DGKI: variants seen among roughly 807,000 people sequenced by gnomAD.
DGKI encodes the protein diacylglycerol kinase iota.
A neutral mutation model predicts 147.5 loss-of-function variants in DGKI; 55 were observed. The ratio of observed to expected loss-of-function variants is 0.37; its 90% CI spans 0.30 to 0.47. DGKI has a LOEUF of 0.47. Ranked by LOEUF, DGKI falls within the 20% of genes least tolerant of loss-of-function variation. DGKI has a pLI of 1.00. For missense variants in DGKI, 1,007 were observed against 1,323.8 expected (o/e 0.76, Z 3.71); for synonymous variants, 469 against 477.1 (o/e 0.98, Z 0.22).
chr7:137,821,914 C>G (rs1281700155), intron 1 of DGKI, among the ~76,000 whole-genome samples: 1 of 152,116 alleles, frequency 6.6e-6, no homozygotes, highest in Non-Finnish European at 1.5e-5. Context: ...AGAATCCTTT[C>G]TAGAGAGTAA....
intron 3 of DGKI, among the ~76,000 whole-genome samples, chr7:137,660,175 G>C (rs1412765724): frequency 6.6e-6 from 1 of 152,124 alleles, no homozygotes; most frequent in East Asian, 1.9e-4. Context: ...TGATTTTGCT[G>C]GTGTTGGTAT....
At chr7:137,442,920 C>T (rs113513176) in intron 28 of DGKI, among the ~76,000 whole-genome samples, 17 of 152,240 alleles carry the variant, frequency 1.1e-4, no homozygotes, top group African/African-American at 3.6e-4. Context: ...TTAGGCACAA[C>T]GATAAGCAGA....
rs1223523734 is a variant in DGKI at position 137,767,479 on chromosome 7, AG to A, written c.402-77478del. On this transcript the variant is annotated intron_variant, in intron 1 of 32. Coordinates refer to ENST00000614521, the MANE Select transcript of DGKI (RefSeq NM_001321708.2). ...CCAAAAGAGAAGAGAAGGGAAGAGA[AG>A]AGAAGAGAAGAGAAGAGAAGAGAAG... Among the ~76,000 whole-genome samples the A allele has an allele frequency of 3.0e-5, 4 of 133,690 alleles. No homozygotes were observed. In the East Asian group the frequency reaches 8.7e-4, roughly 29 times the overall value. The allele number at this position is 133,690 out of a possible 152,430, so 87.7% of individuals were successfully genotyped here. A position where few individuals can be genotyped will look rare whatever the true frequency, so the allele number is the denominator to read the frequency against.
chr7:137,800,945 T>C (rs888208283), intron 1 of DGKI, among the ~76,000 whole-genome samples: 2 of 152,230 alleles, frequency 1.3e-5, no homozygotes, highest in Non-Finnish European at 2.9e-5. Flanking sequence ...ATAAGAATTT[T>C]GTAGAATTTG....
rs1798750754 is a variant in DGKI, at chr7:137,846,743, G to A, written c.120C>T (p.Ala40=). The A allele has an allele frequency of 8.9e-6, 9 of 1,012,600 alleles. No individual in the cohort carries two copies. The highest frequency in any genetic ancestry group is 1.1e-5 in the Non-Finnish European group (9 of 850,494). 62.7% of individuals were successfully genotyped at this position (1,012,600 alleles called of 1,614,324 possible). The change falls in exon 1 of 33, where the codon GCC becomes GCT. Residue 40 remains alanine (A), a synonymous_variant. Coordinates refer to ENST00000614521, the MANE Select transcript of DGKI (RefSeq NM_001321708.2). The surrounding 1 kb of genome is among the most constrained non-coding windows in gnomAD (Gnocchi z 4.0). ...CGGCGGCCGCGGAGGGAGCGCAGGC[G>A]GCGCCGCTGCAGGGGCCGGGCGGGC... ...AASPPGPCSG[A]ACAPSAAAGA...
intron 17 of DGKI, among the ~76,000 whole-genome samples, chr7:137,575,808 A>G (rs28451058): frequency 0.058 from 8,816 of 152,276 alleles, 621 homozygotes; most frequent in African/African-American, 0.17. Context: ...AACATCTGAA[A>G]GGGATGCCAA....
Position 137,700,455 on chromosome 7 carries a change from A to G in DGKI, c.402-10453T>C, listed in dbSNP as rs1028808693. On this transcript the variant is annotated intron_variant, in intron 1 of 32. Coordinates refer to ENST00000614521, the MANE Select transcript of DGKI (RefSeq NM_001321708.2). ...CAGCCTTTTTCATAGCAGATAAAGG[A>G]AGTCTAGCCTTATCAATCTCTTCTC... Among the ~76,000 whole-genome samples, 9 of 152,338 alleles carry G rather than the reference A, an allele frequency of 5.9e-5. No individual in the cohort carries two copies. The East Asian group carries it at 1.7e-3, about 29-fold the overall frequency.
chr7:137,729,908 T>C (rs773815848), intron 1 of DGKI, among the ~76,000 whole-genome samples: 3 of 152,226 alleles, frequency 2.0e-5, no homozygotes, highest in Non-Finnish European at 4.4e-5. Context: ...ATCTTGCTCG[T>C]TGACACTGAT....
intron 31 of DGKI, among the ~76,000 whole-genome samples, chr7:137,396,667 T>C (rs1235271838): frequency 6.6e-6 from 1 of 152,212 alleles, no homozygotes; most frequent in Non-Finnish European, 1.5e-5. Context: ...TCCCACATGC[T>C]TAGCTACTCA....
intron 6 of DGKI, among the ~76,000 whole-genome samples, chr7:137,630,297 G>A (rs1386030500): frequency 6.6e-6 from 1 of 151,934 alleles, no homozygotes; most frequent in Non-Finnish European, 1.5e-5. Flanking sequence ...TTACCCCTCT[G>A]TATTCTAAAT....
At position 137,581,931 on chromosome 7, in the gene DGKI, G is replaced by A. The variant is rs1293709483; in HGVS notation, c.1564-3C>T. ...TTATTGAAAACATTCAGAGGGAGCT[G>A]CAATGATAAACAAAGACAGAGGCAA... On this transcript the variant is annotated splice_polypyrimidine_tract_variant and splice_region_variant and intron_variant, in intron 14 of 32. Transcript: ENST00000614521. 1.2e-6 allele frequency: 2 copies of A among 1,612,604 alleles called. No individual in the cohort carries two copies.
Position 137,429,421 on chromosome 7 carries a change from T to G in DGKI, c.2761+14656A>C, listed in dbSNP as rs1305141524. ...ATTAATTCAAGATGGATTAAAGACT[T>G]AAACGTTAGACCTAAAACCATAAAA... On this transcript the variant is annotated intron_variant, in intron 28 of 32. Coordinates refer to ENST00000614521, the MANE Select transcript of DGKI (RefSeq NM_001321708.2). 7.2e-5 allele frequency among the ~76,000 whole-genome samples: 11 copies of G among 151,882 alleles called. No individual in the cohort carries two copies. In the East Asian group the frequency reaches 2.2e-3, roughly 30 times the overall value.
intron 1 of DGKI, among the ~76,000 whole-genome samples, chr7:137,758,210 T>C (rs770032179): frequency 4.6e-5 from 7 of 152,218 alleles, no homozygotes; most frequent in Admixed American, 1.3e-4. Context: ...CCCACACTTA[T>C]GGAACCAGTG....
rs575733370 is a variant in DGKI, at chr7:137,725,914, G to T, written c.402-35912C>A. Among the ~76,000 whole-genome samples, 77 of 152,228 alleles carry T rather than the reference G, an allele frequency of 5.1e-4. 1 individual carries two copies. Among genetic ancestry groups the T allele is most frequent in the African/African-American group, 1.8e-3 (73 of 41,540 alleles). ...TTCGTTTTCTTTTTGGATATTTTCA[G>T]ATACATCAGCTCCTATTTTTATAGC... On this transcript the variant is annotated intron_variant, in intron 1 of 32. Coordinates refer to ENST00000614521, the MANE Select transcript of DGKI (RefSeq NM_001321708.2).
chr7:137,609,467 C>T (rs866133635), intron 9 of DGKI, 68 bp downstream of exon 9: 3 of 1,244,340 alleles, frequency 2.4e-6, no homozygotes, highest in Non-Finnish European at 3.5e-6. Flanking sequence ...TGGACCAGAT[C>T]TCATAGGACA....
At chr7:137,406,519 C>T (rs921487164) in intron 30 of DGKI, among the ~76,000 whole-genome samples, 9 of 152,118 alleles carry the variant, frequency 5.9e-5, no homozygotes, top group African/African-American at 2.2e-4. Context: ...ACCCTTTCTA[C>T]CGTATTTCAG....
chr7:137,766,450 A>G (rs1796016124), intron 1 of DGKI, among the ~76,000 whole-genome samples: 1 of 152,230 alleles, frequency 6.6e-6, no homozygotes, highest in East Asian at 1.9e-4. Flanking sequence ...CTTCTGGAAG[A>G]TGGAAAGTGA....
chr7:137,651,447 C>G (rs1206748577), intron 5 of DGKI, among the ~76,000 whole-genome samples: 1 of 152,152 alleles, frequency 6.6e-6, no homozygotes. Context: ...AGATTAACAG[C>G]CATCTCATTT....
chr7:137,448,189 C>T (rs564960560), intron 27 of DGKI, among the ~76,000 whole-genome samples: 8 of 151,468 alleles, frequency 5.3e-5, no homozygotes, highest in African/African-American at 1.9e-4. Flanking sequence ...TAGACCCAAA[C>T]CTAGAAGAGG....
Sources: gnomAD v4.1 joint callset for allele counts (sites outside exome capture counted in the v4.1 genomes callset) on GRCh38, gnomAD v4.1.1 for gene constraint, Gnocchi (gnomAD v3.1) non-coding constraint, MANE v1.5 for transcripts, NCBI Gene and HGNC (gene_info 2026-07-23, HGNC 2026-07-21) for gene names.